CHSY3: variants seen among roughly 807,000 people sequenced by gnomAD.
CHSY3 encodes the protein N-acetylgalactosaminyl-proteoglycan 3-beta-glucuronosyltransferase 3.
CHSY3 carries 35 observed loss-of-function variants against 67.2 expected under a neutral mutation model. That is an observed-to-expected ratio of 0.52 (90% CI 0.40 to 0.69). The LOEUF is 0.69. Ranked by LOEUF, CHSY3 falls within the 30% of genes least tolerant of loss-of-function variation. The pLI, the probability that CHSY3 is intolerant of heterozygous loss-of-function variation, is 0.00. For synonymous variants in CHSY3, 474 were observed against 434.7 expected (o/e 1.09, Z -1.12); for missense variants, 1,069 against 1,138.5 (o/e 0.94, Z 0.88).
chr5:129,921,746 G>A (rs1322608340), intron 2 of CHSY3, among the ~76,000 whole-genome samples: 7 of 152,010 alleles, frequency 4.6e-5, no homozygotes, highest in Non-Finnish European at 8.8e-5. Flanking sequence ...TTTATACAGT[G>A]CATGTGATTT....
At position 129,966,013 on chromosome 5, in the gene CHSY3, A is replaced by C. The variant is rs80293966; in HGVS notation, c.1086+57653A>C. Among the ~76,000 whole-genome samples, 8 of 152,036 alleles carry C rather than the reference A, an allele frequency of 5.3e-5. No homozygotes were observed. In the East Asian group the frequency reaches 1.5e-3, roughly 29 times the overall value. ...TTGGTGAGGGGAGCTCTGTACACAC[A>C]TGCAAAGATGTAAAGCTCCATCCTA... On this transcript the variant is annotated intron_variant, in intron 2 of 2. Transcript: ENST00000305031.
chr5:130,002,686 T>C (rs752934461), intron 2 of CHSY3, among the ~76,000 whole-genome samples: 9 of 152,230 alleles, frequency 5.9e-5, no homozygotes, highest in Non-Finnish European at 1.2e-4. Context: ...CTATTTGAGA[T>C]GATGTCTATA....
intron 2 of CHSY3, among the ~76,000 whole-genome samples, chr5:130,068,535 G>A (rs1368889862): frequency 1.1e-4 from 17 of 152,132 alleles, no homozygotes; most frequent in Admixed American, 6.6e-5. Flanking sequence ...AGAAACCTTT[G>A]TGGGGAATTC....
At chr5:130,170,830 G>GTT (rs57988811) in intron 2 of CHSY3, among the ~76,000 whole-genome samples, 1 of 148,554 alleles carries the variant, frequency 6.7e-6, no homozygotes. Context: ...TTTTAATCAA[G>GTT]TTTTTTTTTT....
At chr5:130,002,090 G>A (rs1471153645) in intron 2 of CHSY3, 17 of 954,574 alleles carry the variant, frequency 1.8e-5, no homozygotes, top group Non-Finnish European at 2.0e-5. Context: ...TATAAACAAA[G>A]GTGGTGCTTG....
At chr5:130,022,248 T>C (rs2149654532) in intron 2 of CHSY3, among the ~76,000 whole-genome samples, 1 of 152,218 alleles carries the variant, frequency 6.6e-6, no homozygotes, top group South Asian at 2.1e-4. Context: ...TATTGAACTT[T>C]AATTTTCATG....
chr5:130,014,625 G>T (rs1327768422), intron 2 of CHSY3, among the ~76,000 whole-genome samples: 1 of 152,160 alleles, frequency 6.6e-6, no homozygotes, highest in African/African-American at 2.4e-5. Flanking sequence ...AATGACATGT[G>T]GGGATTATGA....
At chr5:130,133,815 G>T (rs1452060596) in intron 2 of CHSY3, among the ~76,000 whole-genome samples, 2 of 134,464 alleles carry the variant, frequency 1.5e-5, no homozygotes, top group East Asian at 4.5e-4. Context: ...AAAAAAGGCT[G>T]TCAACCTAAG....
chr5:129,996,827 TG>T (rs1176369826), intron 2 of CHSY3, among the ~76,000 whole-genome samples: 1 of 152,166 alleles, frequency 6.6e-6, no homozygotes, highest in Admixed American at 6.6e-5. Context: ...TTATCATATT[TG>T]TAACAACCTA....
chr5:129,996,699 T>C (rs534442970), intron 2 of CHSY3, among the ~76,000 whole-genome samples: 150 of 152,218 alleles, frequency 9.9e-4, no homozygotes, highest in Non-Finnish European at 9.7e-4. Flanking sequence ...GATCTTATTA[T>C]CTTTATGACA....
intron 2 of CHSY3, among the ~76,000 whole-genome samples, chr5:130,074,654 A>G (rs1229535658): frequency 1.3e-5 from 2 of 152,198 alleles, no homozygotes; most frequent in African/African-American, 4.8e-5. Flanking sequence ...AATAGGGGAC[A>G]GTTTTCTACA....
chr5:130,065,373 C>T (rs973240236), intron 2 of CHSY3, among the ~76,000 whole-genome samples: 1 of 145,266 alleles, frequency 6.9e-6, no homozygotes, highest in African/African-American at 2.5e-5. Flanking sequence ...AAAAACAAAA[C>T]AAAACAAAAA....
intron 2 of CHSY3, among the ~76,000 whole-genome samples, chr5:130,028,024 C>T (rs1164511002): frequency 3.3e-5 from 5 of 152,080 alleles, no homozygotes; most frequent in Non-Finnish European, 2.9e-5. Flanking sequence ...ATTTCTAGTT[C>T]TAGATCCTTG....
At chr5:130,046,085 C>A (rs893599947) in intron 2 of CHSY3, among the ~76,000 whole-genome samples, 2 of 151,984 alleles carry the variant, frequency 1.3e-5, no homozygotes, top group African/African-American at 4.8e-5. Context: ...GTCATTATAC[C>A]CACGTCTTGA....
In CHSY3 at chr5:130,137,477, A is replaced by G. The variant is rs138724556; in HGVS notation, c.1087-46752A>G. 2.0e-3 allele frequency among the ~76,000 whole-genome samples: 310 copies of G among 152,262 alleles called. 2 individuals carry two copies. Among genetic ancestry groups the G allele is most frequent in the African/African-American group, 6.8e-3 (283 of 41,550 alleles). On this transcript the variant is annotated intron_variant, in intron 2 of 2. Transcript: ENST00000305031. ...TTCCCTGAAGCACTATATTATATAT[A>G]TTGGTTAAAAGCTTAAATGACACTG... is the stretch of plus-strand genomic sequence containing the variant.
intron 2 of CHSY3, among the ~76,000 whole-genome samples, chr5:130,172,435 A>G (rs1246878590): frequency 6.7e-6 from 1 of 149,702 alleles, no homozygotes; most frequent in African/African-American, 2.5e-5. Context: ...GGCTCAAACC[A>G]TCCTCCCACT....
chr5:130,023,252 T>G (rs913367931), intron 2 of CHSY3, among the ~76,000 whole-genome samples: 79 of 152,080 alleles, frequency 5.2e-4, no homozygotes, highest in African/African-American at 1.9e-3. Context: ...AAAGAGGTTA[T>G]AGTTGCTTAC....
At chr5:130,069,449 A>T (rs1315872693) in intron 2 of CHSY3, among the ~76,000 whole-genome samples, 1 of 152,066 alleles carries the variant, frequency 6.6e-6, no homozygotes, top group Non-Finnish European at 1.5e-5. Context: ...CACGAGTTCA[A>T]GACCAGCCTG....
intron 2 of CHSY3, among the ~76,000 whole-genome samples, chr5:129,932,148 A>G (rs1410350526): frequency 6.6e-5 from 9 of 137,090 alleles, no homozygotes; most frequent in African/African-American, 2.5e-4. Context: ...ATATATGTAT[A>G]TGAGAGTTAG....
Sources: gnomAD v4.1 joint callset for allele counts (sites outside exome capture counted in the v4.1 genomes callset) on GRCh38, gnomAD v4.1.1 for gene constraint, MANE v1.5 for transcripts, NCBI Gene and HGNC (gene_info 2026-07-23, HGNC 2026-07-21) for gene names.